Variants in USHBP1 observed in about 807,000 individuals in gnomAD.
USHBP1 encodes USH1 protein network component harmonin binding protein 1.
Under a neutral mutation model 76.2 loss-of-function variants are expected in USHBP1, and 67 were observed. The observed-to-expected ratio is 0.88, with a 90% CI of 0.72 to 1.08. The LOEUF (loss-of-function observed/expected upper bound fraction) is 1.08, where lower values mean the gene tolerates loss of function less well. USHBP1 is among the 50% of genes least tolerant of loss of function. The pLI, the probability that USHBP1 is intolerant of heterozygous loss-of-function variation, is 0.00. For synonymous variants in USHBP1, 322 were observed against 362.2 expected (o/e 0.89, Z 1.26); for missense variants, 931 against 915.0 (o/e 1.02, Z -0.23).
At chr19:17,260,223 A>T (rs1400354102) in intron 4 of USHBP1, among the ~76,000 whole-genome samples, 5 of 152,178 alleles carry the variant, frequency 3.3e-5, no homozygotes, top group Admixed American at 6.5e-5. Context: ...CCAGCAGAAA[A>T]ATGGGCCCCA....
intron 10 of USHBP1, among the ~76,000 whole-genome samples, chr19:17,254,958 T>C (rs1050280714): frequency 1.3e-5 from 2 of 151,794 alleles, no homozygotes; most frequent in African/African-American, 4.8e-5. Context: ...ATACAAAGGC[T>C]TGGAGGTAGG....
chr19:17,256,467 G>T lies in USHBP1; in HGVS notation c.1470+4C>A. ...CTGACACAGTGGCCACAGCCCATTT[G>T]TACCCTTGCGGCCACCAGGTCCTGC... On this transcript the variant is annotated splice_donor_region_variant and intron_variant, in intron 9 of 12. Transcript: ENST00000252597. 1 of 1,613,060 alleles carries T rather than the reference G, an allele frequency of 6.2e-7. No individual in the cohort carries two copies.
Position 17,262,712 on chromosome 19 carries a change from C to T in USHBP1, c.482G>A (p.Gly161Glu), listed in dbSNP as rs1198002468. 5.0e-6 allele frequency: 8 copies of T among 1,614,120 alleles called. No homozygotes were observed. Among genetic ancestry groups the T allele is most frequent in the Non-Finnish European group, 6.8e-6 (8 of 1,180,050 alleles). Residue 161 changes from glycine to glutamate, a missense_variant, in exon 4 of 13, where the codon GGG becomes GAG. Gly to Glu is a moderately conservative substitution (Grantham distance 98). Coordinates refer to ENST00000252597, the MANE Select transcript of USHBP1 (RefSeq NM_031941.4). ...GCAGCTCCCTGCCCCTTCCTGCTTCCCAAGGGAACCTGCTCCCCCTTCGCT... is the reference window on the plus strand; with the variant it reads ...GCAGCTCCCTGCCCCTTCCTGCTTCTCAAGGGAACCTGCTCCCCCTTCGCT... Reference protein sequence around the residue: ...GTSEGGAGSLGKQEGAGSCQR... With the variant: ...GTSEGGAGSLEKQEGAGSCQR...
At position 17,259,383 on chromosome 19, in the gene USHBP1, G is replaced by A; in HGVS notation, c.952C>T (p.Leu318=). 1 of 1,614,174 alleles carries A rather than the reference G, an allele frequency of 6.2e-7. No individual in the cohort carries two copies. Among genetic ancestry groups the A allele is most frequent in the Non-Finnish European group, 8.5e-7 (1 of 1,180,048 alleles). The change falls in exon 7 of 13, where the codon CTA becomes TTA. Residue 318 remains leucine (L), a synonymous_variant. Transcript: ENST00000252597. ...KCFNRLLSAV[L]QGYKGRCEGL... ...TCACAGCGGCCCTTGTATCCCTGTA[G>A]CACAGCTGATAGCAGACGATTAAAG... is the stretch of plus-strand genomic sequence containing the variant.
chr19:17,253,153 A>T (rs2073573390), intron 10 of USHBP1, among the ~76,000 whole-genome samples: 1 of 151,786 alleles, frequency 6.6e-6, no homozygotes, highest in African/African-American at 2.4e-5. Context: ...TATTTTTAGT[A>T]GAGACAGGGT....
intron 9 of USHBP1, 135 bp downstream of exon 9, chr19:17,256,336 C>T (rs2073618344): frequency 7.4e-7 from 1 of 1,354,354 alleles, no homozygotes; most frequent in Non-Finnish European, 1.0e-6. Flanking sequence ...CCTCAAAACC[C>T]CAGCTCCAAT....
In USHBP1 at chr19:17,252,082, G is replaced by A. The variant is rs1285342780; in HGVS notation, c.1693-65C>T. On this transcript the variant is annotated intron_variant, in intron 10 of 12. Coordinates refer to ENST00000252597, the MANE Select transcript of USHBP1 (RefSeq NM_031941.4). ...GCCAAGTCCGTGCTTGGCCCACACT[G>A]GACATTGGAGCTGCCCAGACAGTGG... The A allele has an allele frequency of 5.5e-6, 8 of 1,451,058 alleles. No individual in the cohort carries two copies. The African/African-American group carries it at 1.1e-4, about 20-fold the overall frequency. The allele number at this position is 1,451,058 out of a possible 1,614,324, so 89.9% of individuals were successfully genotyped here.
intron 12 of USHBP1, among the ~76,000 whole-genome samples, chr19:17,250,649 CAA>C (rs2073539489): frequency 6.6e-6 from 1 of 152,096 alleles, no homozygotes; most frequent in Admixed American, 6.6e-5. Flanking sequence ...CTCGAGGGTT[CAA>C]GTGATTCTCC....
intron 10 of USHBP1, among the ~76,000 whole-genome samples, chr19:17,255,008 G>A (rs1555713234): frequency 6.6e-6 from 1 of 152,080 alleles, no homozygotes; most frequent in African/African-American, 2.4e-5. Flanking sequence ...CAGGTGCGGC[G>A]ACTCATGCCT....
At chr19:17,258,185 C>G in intron 8 of USHBP1, 27 bp downstream of exon 8, 2 of 1,612,032 alleles carry the variant, frequency 1.2e-6, no homozygotes, top group Non-Finnish European at 1.7e-6. Flanking sequence ...CTCAACCAGG[C>G]CAGTTCCCAG....
At chr19:17,252,901 C>CA (rs1002833571) in intron 10 of USHBP1, among the ~76,000 whole-genome samples, 1 of 151,608 alleles carries the variant, frequency 6.6e-6, no homozygotes, top group Non-Finnish European at 1.5e-5. Flanking sequence ...AAAAAAACAA[C>CA]AAAAAAACAA....
intron 10 of USHBP1, 113 bp from the exon 11 acceptor site, chr19:17,252,130 C>G: frequency 1.0e-6 from 1 of 965,508 alleles, no homozygotes; most frequent in Non-Finnish European, 1.6e-6. Flanking sequence ...TCTCAGAGAC[C>G]CACATCTGGT....
intron 5 of USHBP1, 78 bp from the exon 6 acceptor site, chr19:17,259,810 C>A: frequency 6.3e-7 from 1 of 1,582,258 alleles, no homozygotes; most frequent in Admixed American, 1.8e-5. Flanking sequence ...AACCCCAAAG[C>A]TGTTGGATCC....
intron 4 of USHBP1, among the ~76,000 whole-genome samples, chr19:17,261,422 G>A (rs56902856): frequency 0.43 from 60,980 of 142,302 alleles, 13,592 homozygotes; most frequent in African/African-American, 0.59. Context: ...TGCAAGCTCC[G>A]CCTCCCGGGT....
At chr19:17,254,928 T>C (rs1435266922) in intron 10 of USHBP1, among the ~76,000 whole-genome samples, 4 of 152,030 alleles carry the variant, frequency 2.6e-5, no homozygotes, top group Non-Finnish European at 4.4e-5. Flanking sequence ...TGACCGGTGT[T>C]CCTGGCAGGG....
chr19:17,261,781 G>A (rs1454358909), intron 4 of USHBP1, among the ~76,000 whole-genome samples: 2 of 148,278 alleles, frequency 1.3e-5, no homozygotes, highest in Non-Finnish European at 3.0e-5. Flanking sequence ...GCAGAATTGT[G>A]TCAAGCAATT....
intron 12 of USHBP1, 42 bp downstream of exon 12, chr19:17,251,540 G>C (rs771518801): frequency 6.2e-7 from 1 of 1,610,480 alleles, no homozygotes; most frequent in Non-Finnish European, 8.5e-7. Flanking sequence ...TCCTGGTGGG[G>C]GATGGTGCCA....
chr19:17,261,480 C>G (rs1359917745), intron 4 of USHBP1, among the ~76,000 whole-genome samples: 2 of 150,826 alleles, frequency 1.3e-5, no homozygotes, highest in Non-Finnish European at 3.0e-5. Context: ...GGACTACAGG[C>G]ACCCGCCACC....
At chr19:17,261,034 C>T (rs936286092) in intron 4 of USHBP1, among the ~76,000 whole-genome samples, 3 of 152,174 alleles carry the variant, frequency 2.0e-5, no homozygotes, top group Non-Finnish European at 2.9e-5. Flanking sequence ...CCCTCACCTC[C>T]GCCACCAGAG....
Sources: allele counts gnomAD v4.1 joint callset (sites outside exome capture counted in the v4.1 genomes callset), GRCh38; gene constraint gnomAD v4.1.1; transcripts MANE v1.5; gene names NCBI Gene and HGNC (gene_info 2026-07-23, HGNC 2026-07-21).